Variants in RIMKLB observed in about 807,000 individuals in gnomAD.
The protein encoded by RIMKLB is beta-citrylglutamate synthase B.
In RIMKLB, 7 loss-of-function variants were observed where a neutral mutation model predicts 32.0. That is an observed-to-expected ratio of 0.22 (90% CI 0.12 to 0.41). The LOEUF is 0.41. RIMKLB is among the 10% of genes least tolerant of loss of function. RIMKLB has a pLI of 1.00. For missense variants in RIMKLB, 289 were observed against 498.7 expected, an observed-to-expected ratio of 0.58 and a Z score of 4.00; for synonymous variants, 172 against 185.1, an observed-to-expected ratio of 0.93 and a Z score of 0.57.
At chr12:8,686,129 A>G (rs933521934) in intron 1 of RIMKLB, among the ~76,000 whole-genome samples, 10 of 151,810 alleles carry the variant, frequency 6.6e-5, no homozygotes, top group African/African-American at 2.4e-4. Flanking sequence ...TTTAGTAGAG[A>G]CAGGGTTTCA....
At chr12:8,753,300 T>C (rs2098213118) in intron 4 of RIMKLB, among the ~76,000 whole-genome samples, 1 of 152,138 alleles carries the variant, frequency 6.6e-6, no homozygotes, top group African/African-American at 2.4e-5. Flanking sequence ...TATTCTCTTG[T>C]TTGGAGCAAT....
chr12:8,677,066 A>G (rs1478979085), upstream of RIMKLB, among the ~76,000 whole-genome samples: 2 of 152,178 alleles, frequency 1.3e-5, no homozygotes, highest in Non-Finnish European at 2.9e-5. Flanking sequence ...ATTCTAGGGT[A>G]TACAGTCTGG....
intron 3 of RIMKLB, 37 bp from the exon 4 acceptor site, chr12:8,751,920 T>C (rs1948652802): frequency 1.6e-6 from 2 of 1,265,170 alleles, no homozygotes; most frequent in Middle Eastern, 1.9e-4. Flanking sequence ...ATACTTCTGC[T>C]GCTGTTTGTC....
At chr12:8,768,982 C>G (rs1950193125) in intron 5 of RIMKLB, among the ~76,000 whole-genome samples, 1 of 152,176 alleles carries the variant, frequency 6.6e-6, no homozygotes, top group Admixed American at 6.5e-5. Context: ...CATTATATCT[C>G]TCTTCCTAGT....
intron 5 of RIMKLB, among the ~76,000 whole-genome samples, chr12:8,770,577 CTTGA>C (rs1022588499): frequency 3.9e-5 from 6 of 152,142 alleles, no homozygotes; most frequent in Admixed American, 1.3e-4. Flanking sequence ...AGTATCATTT[CTTGA>C]TTATTTTTCC....
chr12:8,778,398 A>C (rs980944459), downstream of RIMKLB, among the ~76,000 whole-genome samples: 1 of 152,178 alleles, frequency 6.6e-6, no homozygotes, highest in Non-Finnish European at 1.5e-5. Flanking sequence ...ATGTGATTTC[A>C]GAACTAATCG....
At chr12:8,705,000 A>ACACACACACACACACACAC (rs1178112609) in intron 1 of RIMKLB, among the ~76,000 whole-genome samples, 2 of 150,952 alleles carry the variant, frequency 1.3e-5, no homozygotes, top group African/African-American at 4.9e-5. Flanking sequence ...ACACACACAC[A>ACACACACACACACACACAC]AAACCCCAAA....
At chr12:8,729,914 T>C (rs887620829) in intron 2 of RIMKLB, among the ~76,000 whole-genome samples, 5 of 152,222 alleles carry the variant, frequency 3.3e-5, no homozygotes, top group African/African-American at 1.2e-4. Flanking sequence ...GGTTTTGATT[T>C]GTGTTTCCCT....
Position 8,776,228 on chromosome 12 carries a change from CT to C in RIMKLB, c.*2447del. 1 of 979,530 alleles carries C rather than the reference CT, an allele frequency of 1.0e-6. No homozygotes were observed. The allele number at this position is 979,530 out of a possible 1,614,324, so 60.7% of individuals were successfully genotyped here. A position where few individuals can be genotyped will look rare whatever the true frequency, so the allele number is the denominator to read the frequency against. On this transcript the variant is annotated 3_prime_UTR_variant, in exon 6 of 6. Coordinates refer to ENST00000535829, the MANE Select transcript of RIMKLB (RefSeq NM_001297776.2). Reference sequence around the variant, plus strand: ...GAAATATGTGAAATTAGTTCATTAGCTTTATTCACTATTATGCATTCACATG... The same window carrying C: ...GAAATATGTGAAATTAGTTCATTAGCTTATTCACTATTATGCATTCACATG...
At chr12:8,731,810 G>A (rs1286770834) in intron 2 of RIMKLB, among the ~76,000 whole-genome samples, 2 of 152,070 alleles carry the variant, frequency 1.3e-5, no homozygotes, top group Non-Finnish European at 1.5e-5. Context: ...TATCTCAAGC[G>A]AGGATATATA....
chr12:8,699,195 A>G (rs1187510218), intron 1 of RIMKLB, among the ~76,000 whole-genome samples: 2 of 152,148 alleles, frequency 1.3e-5, no homozygotes. Context: ...TATTGTTACC[A>G]CATCTTTGTG....
At chr12:8,722,478 A>C (rs1443154303) in intron 2 of RIMKLB, among the ~76,000 whole-genome samples, 8 of 152,198 alleles carry the variant, frequency 5.3e-5, no homozygotes, top group African/African-American at 1.9e-4. Context: ...TCCACTTAGC[A>C]CAGGCAGAGT....
rs545321591 is a variant in RIMKLB at position 8,766,614 on chromosome 12, C to G, written c.698-6707C>G. Among the ~76,000 whole-genome samples, 168 of 152,342 alleles carry G rather than the reference C, an allele frequency of 1.1e-3. 1 individual carries two copies. The highest frequency in any genetic ancestry group is 1.8e-3 in the Admixed American group (27 of 15,306). On this transcript the variant is annotated intron_variant, in intron 5 of 5. Transcript: ENST00000535829. The stretch of plus-strand genomic sequence containing the variant: ...ACCAATTATTAGGCAATTTTCCTAA[C>G]TCTGCTTCCACAAGATTCTCCCTAT...
At chr12:8,707,742 C>T (rs778818074) in intron 1 of RIMKLB, among the ~76,000 whole-genome samples, 9 of 152,270 alleles carry the variant, frequency 5.9e-5, no homozygotes, top group Non-Finnish European at 1.3e-4. Context: ...AGAAAGACAT[C>T]ATTTTGGAGA....
At position 8,765,260 on chromosome 12, in the gene RIMKLB, C is replaced by T. The variant is rs1949860362; in HGVS notation, c.698-8061C>T. Among the ~76,000 whole-genome samples, 4 of 152,002 alleles carry T rather than the reference C, an allele frequency of 2.6e-5. No homozygotes were observed. In the South Asian group the frequency reaches 8.3e-4, roughly 32 times the overall value. The stretch of plus-strand genomic sequence containing the variant: ...ATTTGTAGGCTTTTTCCTAGTTTTC[C>T]TTAGTCCTTCTAGCACGCAAGTTAG... On this transcript the variant is annotated intron_variant, in intron 5 of 5. Transcript: ENST00000535829.
chr12:8,703,869 C>T (rs914622156), intron 1 of RIMKLB, among the ~76,000 whole-genome samples: 1 of 152,128 alleles, frequency 6.6e-6, no homozygotes, highest in Non-Finnish European at 1.5e-5. Flanking sequence ...GTGTTTGGTA[C>T]ATATAATTAC....
chr12:8,725,976 T>G lies in RIMKLB; in HGVS notation c.175+11935T>G, dbSNP rs1407593958. Among the ~76,000 whole-genome samples, 3 of 152,348 alleles carry G rather than the reference T, an allele frequency of 2.0e-5. No homozygotes were observed. In the South Asian group the frequency reaches 6.2e-4, roughly 32 times the overall value. On this transcript the variant is annotated intron_variant, in intron 2 of 5. Transcript: ENST00000535829. Reference sequence around the variant, plus strand: ...GATTCTCCTGTCTCAGCCTCCCGAATAGCTGGGACTACAGGCATGTGCCAT... The same window carrying G: ...GATTCTCCTGTCTCAGCCTCCCGAAGAGCTGGGACTACAGGCATGTGCCAT...
chr12:8,737,965 C>T (rs1370564612), intron 2 of RIMKLB, among the ~76,000 whole-genome samples: 4 of 152,258 alleles, frequency 2.6e-5, no homozygotes, highest in Non-Finnish European at 2.9e-5. Context: ...CCGCCTGCCT[C>T]GGCCTCCCAA....
chr12:8,693,579 T>TA (rs1942794207), upstream of RIMKLB, among the ~76,000 whole-genome samples: 1 of 151,900 alleles, frequency 6.6e-6, no homozygotes, highest in Non-Finnish European at 1.5e-5. Context: ...ATATTTTTAA[T>TA]AGAGATGGGG....
Sources: gnomAD v4.1 joint callset for allele counts (sites outside exome capture counted in the v4.1 genomes callset) on GRCh38, gnomAD v4.1.1 for gene constraint, MANE v1.5 for transcripts, NCBI Gene and HGNC (gene_info 2026-07-23, HGNC 2026-07-21) for gene names.